The following FGF12 variants were observed in gnomAD, a reference collection of about 807,000 sequenced individuals.
FGF12 encodes the protein fibroblast growth factor 12.
FGF12 carries 14 observed loss-of-function variants against 23.6 expected under a neutral mutation model. The observed-to-expected ratio is 0.59, with a 90% CI of 0.39 to 0.93. The LOEUF (loss-of-function observed/expected upper bound fraction) is 0.93, where lower values mean the gene tolerates loss of function less well. Among genes scored for constraint, FGF12 ranks in the 40% least tolerant of loss-of-function variants. The pLI is 0.00. For missense variants in FGF12, 175 were observed against 217.8 expected, an observed-to-expected ratio of 0.80 and a Z score of 1.24; for synonymous variants, 62 against 77.3, an observed-to-expected ratio of 0.80 and a Z score of 1.04.
intron 2 of FGF12, among the ~76,000 whole-genome samples, chr3:192,459,681 G>C (rs1403509857): frequency 6.6e-6 from 1 of 152,172 alleles, no homozygotes; most frequent in African/African-American, 2.4e-5. Context: ...ATCAAATTTA[G>C]AATGGTTGCA....
At chr3:192,472,053 T>A (rs1723188350) in intron 2 of FGF12, among the ~76,000 whole-genome samples, 1 of 152,192 alleles carries the variant, frequency 6.6e-6, no homozygotes, top group Admixed American at 6.5e-5. Flanking sequence ...AGTCTCGCTC[T>A]GTCACCAGAC....
chr3:192,486,119 A>G (rs540720241), intron 2 of FGF12, among the ~76,000 whole-genome samples: 1 of 152,222 alleles, frequency 6.6e-6, no homozygotes, highest in East Asian at 1.9e-4. Context: ...ACAGCACCAA[A>G]CCAACACATC....
chr3:192,621,826 C>T (rs996411058), intron 2 of FGF12, among the ~76,000 whole-genome samples: 2 of 152,042 alleles, frequency 1.3e-5, no homozygotes, highest in Non-Finnish European at 2.9e-5. Flanking sequence ...TACTGTGCTC[C>T]AATGCCACTA....
intron 4 of FGF12, among the ~76,000 whole-genome samples, chr3:192,185,572 A>G (rs1716411173): frequency 6.6e-6 from 1 of 151,930 alleles, no homozygotes; most frequent in Non-Finnish European, 1.5e-5. Context: ...TAAAAGTTAT[A>G]GCTAATAGGC....
chr3:192,673,805 T>C (rs969740249), intron 2 of FGF12, among the ~76,000 whole-genome samples: 4 of 151,154 alleles, frequency 2.6e-5, no homozygotes, highest in African/African-American at 9.7e-5. Context: ...GGCATTTGGG[T>C]TTGTTCCAAG....
Position 192,685,369 on chromosome 3 carries a change from A to G in FGF12, c.13+41812T>C, listed in dbSNP as rs1210159043. ...CCTGGCCTACAAAGTTAATATCTCT[A>G]AAGTGTTTAGAACACAGTAAGCACT... is the stretch of plus-strand genomic sequence containing the variant. On this transcript the variant is annotated intron_variant, in intron 2 of 5. Coordinates refer to ENST00000445105, the MANE Select transcript of FGF12 (RefSeq NM_004113.6). Among the ~76,000 whole-genome samples, 6 of 152,298 alleles carry G rather than the reference A, an allele frequency of 3.9e-5. No homozygotes were observed. The South Asian group carries it at 1.0e-3, about 26-fold the overall frequency.
chr3:192,366,484 G>A (rs982889767), intron 2 of FGF12, among the ~76,000 whole-genome samples: 11 of 152,140 alleles, frequency 7.2e-5, no homozygotes, highest in South Asian at 4.2e-4. Context: ...CATCTCCTTC[G>A]TGGCAGGCAC....
intron 4 of FGF12, among the ~76,000 whole-genome samples, chr3:192,213,437 T>C (rs1718036273): frequency 6.6e-6 from 1 of 152,218 alleles, no homozygotes; most frequent in Non-Finnish European, 1.5e-5. Flanking sequence ...AATTGATAAA[T>C]GCTCATATCA....
At chr3:192,619,411 G>A (rs557105436) in intron 2 of FGF12, among the ~76,000 whole-genome samples, 2 of 152,286 alleles carry the variant, frequency 1.3e-5, no homozygotes, top group South Asian at 4.1e-4. Context: ...TAGCAGGAAG[G>A]TGCAGGACAA....
In FGF12 at chr3:192,412,646, T is replaced by TAATAAA. The variant is rs1721233368; in HGVS notation, c.14-52109_14-52108insTTTATT. 5.3e-5 allele frequency among the ~76,000 whole-genome samples: 8 copies of TAATAAA among 152,346 alleles called. No homozygotes were observed. The South Asian group carries it at 1.7e-3, about 32-fold the overall frequency. ...TTTCCCCAGTGAGAAGAGGTGAGTA[T>TAATAAA]AAAGAAATTTAAGAAGTTAGCTAAG... On this transcript the variant is annotated intron_variant, in intron 2 of 5. Coordinates refer to ENST00000445105, the MANE Select transcript of FGF12 (RefSeq NM_004113.6).
At chr3:192,264,628 T>C (rs1423567571) in intron 4 of FGF12, among the ~76,000 whole-genome samples, 2 of 152,096 alleles carry the variant, frequency 1.3e-5, no homozygotes, top group East Asian at 3.9e-4. Flanking sequence ...GAAACTGATG[T>C]ACAGAGAGGA....
At chr3:192,301,663 T>C (rs1715355814) in intron 4 of FGF12, among the ~76,000 whole-genome samples, 1 of 152,152 alleles carries the variant, frequency 6.6e-6, no homozygotes, top group Admixed American at 6.5e-5. Context: ...GAGCACAAAT[T>C]GGCCAGGCAG....
intron 4 of FGF12, among the ~76,000 whole-genome samples, chr3:192,329,459 GA>G (rs1308500052): frequency 1.3e-5 from 2 of 152,094 alleles, no homozygotes; most frequent in East Asian, 3.9e-4. Flanking sequence ...ACCACAATTT[GA>G]AAATCTAGCT....
chr3:192,272,009 G>A (rs1295439469), intron 4 of FGF12, among the ~76,000 whole-genome samples: 1 of 152,084 alleles, frequency 6.6e-6, no homozygotes, highest in African/African-American at 2.4e-5. Flanking sequence ...TCCAGTTCTA[G>A]GGTTTTCTGG....
chr3:192,445,353 A>C (rs1182701560), intron 2 of FGF12, among the ~76,000 whole-genome samples: 2 of 152,208 alleles, frequency 1.3e-5, no homozygotes, highest in Non-Finnish European at 2.9e-5. Flanking sequence ...TGTGCGCTCC[A>C]GTTAGAGACC....
intron 5 of FGF12, among the ~76,000 whole-genome samples, chr3:192,167,772 A>ATATATATATATT (rs1715302128): frequency 1.9e-4 from 3 of 15,396 alleles, no homozygotes; most frequent in Non-Finnish European, 2.5e-4. Flanking sequence ...TATATATAAA[A>ATATATATATATT]TTTTTTTTTT....
intron 2 of FGF12, among the ~76,000 whole-genome samples, chr3:192,716,592 CTT>C (rs935704954): frequency 6.6e-6 from 1 of 152,128 alleles, no homozygotes; most frequent in Non-Finnish European, 1.5e-5. Flanking sequence ...GAAGAGGAAT[CTT>C]AGGGATTTTA....
At chr3:192,413,232 C>T (rs1011013162) in intron 2 of FGF12, among the ~76,000 whole-genome samples, 3 of 152,150 alleles carry the variant, frequency 2.0e-5, no homozygotes, top group Non-Finnish European at 4.4e-5. Flanking sequence ...TCATTTTAAA[C>T]ATTGCATTGT....
Position 192,530,553 on chromosome 3 carries a change from C to T in FGF12, c.14-170015G>A, listed in dbSNP as rs1412825097. ...ATTTGAGATTATTTTAATAATTTCT[C>T]TTCTGTATCTATAAAATATTTAAGA... is the stretch of plus-strand genomic sequence containing the variant. On this transcript the variant is annotated intron_variant, in intron 2 of 5. Transcript: ENST00000445105. Among the ~76,000 whole-genome samples the T allele has an allele frequency of 1.3e-5, 2 of 152,126 alleles. 1 individual carries two copies. Among genetic ancestry groups the T allele is most frequent in the South Asian group, 4.1e-4 (2 of 4,832 alleles).
Sources: gnomAD v4.1 joint callset for allele counts (sites outside exome capture counted in the v4.1 genomes callset) on GRCh38, gnomAD v4.1.1 for gene constraint, MANE v1.5 for transcripts, NCBI Gene and HGNC (gene_info 2026-07-23, HGNC 2026-07-21) for gene names.